PLXDC2: variants seen among roughly 807,000 people sequenced by gnomAD.
The protein encoded by PLXDC2 is plexin domain containing 2.
In PLXDC2, 40 loss-of-function variants were observed where a neutral mutation model predicts 68.9. The observed-to-expected ratio is 0.58, with a 90% CI of 0.45 to 0.76. The LOEUF (loss-of-function observed/expected upper bound fraction) is 0.76. Ranked by LOEUF, PLXDC2 falls within the 30% of genes least tolerant of loss-of-function variation. The pLI is 0.00. For missense variants in PLXDC2, 644 were observed against 661.9 expected (o/e 0.97, Z 0.30); for synonymous variants, 243 against 234.2 (o/e 1.04, Z -0.34).
intron 1 of PLXDC2, among the ~76,000 whole-genome samples, chr10:19,854,664 T>G (rs914886412): frequency 6.6e-6 from 1 of 152,242 alleles, no homozygotes; most frequent in Non-Finnish European, 1.5e-5. Flanking sequence ...AAACCTCAGT[T>G]CCTGTCTTTT....
chr10:20,173,580 G>A (rs903772369), intron 7 of PLXDC2, among the ~76,000 whole-genome samples: 7 of 152,114 alleles, frequency 4.6e-5, no homozygotes, highest in Non-Finnish European at 1.0e-4. Flanking sequence ...ATCGCCTTAA[G>A]CTTTCGATCA....
At chr10:20,221,463 C>A (rs1211484019) in intron 12 of PLXDC2, among the ~76,000 whole-genome samples, 1 of 152,170 alleles carries the variant, frequency 6.6e-6, no homozygotes, top group Non-Finnish European at 1.5e-5. Context: ...AGACTTCAGA[C>A]TCTTCTTATA....
Position 19,986,142 on chromosome 10 carries a change from T to C in PLXDC2, c.113-15633T>C, listed in dbSNP as rs373771668. Among the ~76,000 whole-genome samples the C allele has an allele frequency of 1.4e-3, 207 of 152,310 alleles. 1 individual carries two copies. The highest frequency in any genetic ancestry group is 4.9e-3 in the African/African-American group (203 of 41,572). On this transcript the variant is annotated intron_variant, in intron 1 of 13. Transcript: ENST00000377252. Reference sequence around the variant, plus strand: ...CGAATTGAGGAGAAAGCACTTCTTTTTTTTTCACAAACAGGAACTTAGGCA... The same window carrying C: ...CGAATTGAGGAGAAAGCACTTCTTTCTTTTTCACAAACAGGAACTTAGGCA...
At chr10:20,072,433 A>AGAAAGAAAGAAAGAAAGAAG (rs1836337634) in intron 4 of PLXDC2, among the ~76,000 whole-genome samples, 1 of 147,170 alleles carries the variant, frequency 6.8e-6, no homozygotes, top group Non-Finnish European at 1.5e-5. Context: ...AGAGAAAGAA[A>AGAAAGAAAGAAAGAAAGAAG]GAAGAAAGAA....
intron 9 of PLXDC2, among the ~76,000 whole-genome samples, chr10:20,191,334 C>T (rs1269343264): frequency 6.6e-6 from 1 of 151,742 alleles, no homozygotes; most frequent in African/African-American, 2.4e-5. Context: ...TGAATTTTTT[C>T]TTCAATGACA....
At chr10:20,100,633 G>T (rs946305705) in intron 4 of PLXDC2, among the ~76,000 whole-genome samples, 1 of 152,162 alleles carries the variant, frequency 6.6e-6, no homozygotes, top group East Asian at 1.9e-4. Flanking sequence ...AGGTGAAATT[G>T]CCTTGGCCTG....
chr10:20,149,701 T>C (rs534998614), intron 6 of PLXDC2, among the ~76,000 whole-genome samples: 2 of 152,280 alleles, frequency 1.3e-5, no homozygotes, highest in East Asian at 3.9e-4. Context: ...ATTAGTTTGC[T>C]AAGGATAATG....
chr10:20,264,040 A>G (rs1050712172), intron 13 of PLXDC2, among the ~76,000 whole-genome samples: 3 of 152,184 alleles, frequency 2.0e-5, no homozygotes, highest in African/African-American at 7.2e-5. Flanking sequence ...CACTGTTCAC[A>G]ATAGCAAAGA....
At chr10:19,871,974 T>C (rs1837547304) in intron 1 of PLXDC2, among the ~76,000 whole-genome samples, 1 of 152,172 alleles carries the variant, frequency 6.6e-6, no homozygotes, top group Non-Finnish European at 1.5e-5. Context: ...ATTTCTGTCT[T>C]TTTTATTTAC....
chr10:19,824,726 G>A (rs1271777120), intron 1 of PLXDC2, among the ~76,000 whole-genome samples: 1 of 152,122 alleles, frequency 6.6e-6, no homozygotes, highest in African/African-American at 2.4e-5. Flanking sequence ...TACATTAACA[G>A]GATAATAGCT....
chr10:20,191,491 T>C (rs771357105), intron 9 of PLXDC2, among the ~76,000 whole-genome samples: 1 of 151,784 alleles, frequency 6.6e-6, no homozygotes, highest in Non-Finnish European at 1.5e-5. Context: ...ACCTCTGTAT[T>C]GACCCATGCC....
rs960318847 is a variant in PLXDC2 at position 20,211,140 on chromosome 10, C to CT, written c.1062-521dup. Among the ~76,000 whole-genome samples the CT allele has an allele frequency of 6.6e-5, 10 of 151,810 alleles. 1 individual carries two copies. The highest frequency in any genetic ancestry group is 1.5e-4 in the African/African-American group (6 of 41,354). On this transcript the variant is annotated intron_variant, in intron 9 of 13. Coordinates refer to ENST00000377252, the MANE Select transcript of PLXDC2 (RefSeq NM_032812.9). Reference sequence around the variant, plus strand: ...TCTCAAGAGCAAGTCAAGGGCCAGTCTTTTTTTTGGAACATGCAGGGTCTG... The same window carrying CT: ...TCTCAAGAGCAAGTCAAGGGCCAGTCTTTTTTTTTGGAACATGCAGGGTCTG...
intron 1 of PLXDC2, among the ~76,000 whole-genome samples, chr10:19,890,729 C>A (rs1837944263): frequency 8.1e-6 from 1 of 124,194 alleles, no homozygotes; most frequent in Non-Finnish European, 1.6e-5. Flanking sequence ...CTAAACCCCA[C>A]ATTTTAAACT....
chr10:19,890,234 A>T (rs1278402905), intron 1 of PLXDC2, among the ~76,000 whole-genome samples: 2 of 152,104 alleles, frequency 1.3e-5, no homozygotes, highest in African/African-American at 4.8e-5. Context: ...TTTTTTAAAA[A>T]TTTTAATTTT....
chr10:20,014,934 G>A (rs1186086687), intron 2 of PLXDC2, among the ~76,000 whole-genome samples: 3 of 152,080 alleles, frequency 2.0e-5, no homozygotes, highest in East Asian at 3.8e-4. Context: ...GCAAATTGCA[G>A]TAAATGGTAA....
intron 1 of PLXDC2, among the ~76,000 whole-genome samples, chr10:19,939,908 T>C (rs1833789091): frequency 6.6e-6 from 1 of 151,014 alleles, no homozygotes; most frequent in Admixed American, 6.6e-5. Context: ...CTATATAGCT[T>C]ATAAAATCTG....
intron 1 of PLXDC2, among the ~76,000 whole-genome samples, chr10:19,973,990 G>C (rs868402883): frequency 6.6e-6 from 1 of 152,154 alleles, no homozygotes; most frequent in Non-Finnish European, 1.5e-5. Flanking sequence ...CTAGAATCAT[G>C]ATAATTACTT....
intron 1 of PLXDC2, among the ~76,000 whole-genome samples, chr10:19,910,168 T>TTATATATATATATA (rs3043811): frequency 2.8e-4 from 41 of 145,252 alleles, no homozygotes; most frequent in African/African-American, 9.1e-4. Context: ...TTGTACACTT[T>TTATATATATATATA]TATATATATA....
chr10:19,913,361 C>G (rs905685845), intron 1 of PLXDC2, among the ~76,000 whole-genome samples: 1 of 152,028 alleles, frequency 6.6e-6, no homozygotes. Flanking sequence ...TTCCTGAGAC[C>G]TCCCCAGCTA....
Sources: allele counts gnomAD v4.1 joint callset (sites outside exome capture counted in the v4.1 genomes callset), GRCh38; gene constraint gnomAD v4.1.1; transcripts MANE v1.5; gene names NCBI Gene and HGNC (gene_info 2026-07-23, HGNC 2026-07-21).